The following NIPBL variants were observed in gnomAD, a reference collection of about 807,000 sequenced individuals.
NIPBL encodes the protein NIPBL cohesin loading factor.
In NIPBL, 19 loss-of-function variants were observed where a neutral mutation model predicts 321.8. The ratio of observed to expected loss-of-function variants is 0.06; its 90% confidence interval spans 0.04 to 0.09. The LOEUF (loss-of-function observed/expected upper bound fraction) is 0.09. Among genes scored for constraint, NIPBL ranks in the 10% least tolerant of loss-of-function variants. The probability of loss-of-function intolerance (pLI) is 1.00; values close to 1 mark genes in which losing one functional copy is unlikely to be tolerated. For missense variants in NIPBL, 2,210 were observed against 3,327.0 expected (o/e 0.66, Z 8.26); for synonymous variants, 1,106 against 1,114.1 (o/e 0.99, Z 0.14).
chr5:36,887,310 G>GT (rs1316565740), intron 1 of NIPBL, among the ~76,000 whole-genome samples: 2 of 152,154 alleles, frequency 1.3e-5, no homozygotes, highest in Non-Finnish European at 2.9e-5. Flanking sequence ...GGATGGTGCA[G>GT]TAACACCAAA....
Position 36,965,473 on chromosome 5 carries a change from A to G in NIPBL, c.610+3199A>G, listed in dbSNP as rs1001446251. On this transcript the variant is annotated intron_variant, in intron 6 of 46. Transcript: ENST00000282516. ...ATATGTGGCAATTAAAGTGGATTTTAAGAAGATAGAGAATAGATTGGTGGT... is the reference window on the plus strand; with the variant it reads ...ATATGTGGCAATTAAAGTGGATTTTGAGAAGATAGAGAATAGATTGGTGGT... Among the ~76,000 whole-genome samples, 12 of 152,244 alleles carry G rather than the reference A, an allele frequency of 7.9e-5. No individual in the cohort carries two copies. The East Asian group carries it at 1.5e-3, about 20-fold the overall frequency.
intron 1 of NIPBL, among the ~76,000 whole-genome samples, chr5:36,908,240 G>T (rs1442444313): frequency 6.6e-6 from 1 of 152,098 alleles, no homozygotes; most frequent in African/African-American, 2.4e-5. Context: ...TGAGATTACC[G>T]AGTGCTTTAG....
At chr5:36,939,150 A>G (rs759469309) in intron 1 of NIPBL, among the ~76,000 whole-genome samples, 1 of 152,136 alleles carries the variant, frequency 6.6e-6, no homozygotes, top group African/African-American at 2.4e-5. Context: ...CTACAGGTGC[A>G]TACCACCACA....
At chr5:37,062,431 A>G (rs1189285910) in intron 45 of NIPBL, among the ~76,000 whole-genome samples, 1 of 152,084 alleles carries the variant, frequency 6.6e-6, no homozygotes, top group South Asian at 2.1e-4. Context: ...AAATGTATGT[A>G]TATAAAATGT....
chr5:37,016,876 A>G, intron 23 of NIPBL, 143 bp from the exon 24 acceptor site: 1 of 577,088 alleles, frequency 1.7e-6, no homozygotes, highest in Non-Finnish European at 2.9e-6. Flanking sequence ...AAAGGCAAAA[A>G]TGACTTTATG....
chr5:36,996,539 G>A lies in NIPBL; in HGVS notation c.3304+735G>A. The A allele has an allele frequency of 2.2e-6, 1 of 456,236 alleles. No individual in the cohort carries two copies. Among genetic ancestry groups the A allele is most frequent in the East Asian group, 7.0e-5 (1 of 14,370 alleles). 28.3% of individuals were successfully genotyped at this position (456,236 alleles called of 1,614,324 possible). On this transcript the variant is annotated intron_variant, in intron 11 of 46. Transcript: ENST00000282516. The surrounding 1 kb of genome is among the most constrained non-coding windows in gnomAD (Gnocchi z 5.0). ...GATCACCTGTCTTTGCACTAGACTT[G>A]CTATACCTCGCCTGTCTTCCTACTG... is the stretch of plus-strand genomic sequence containing the variant.
At chr5:36,990,942 G>A (rs942236256) in intron 10 of NIPBL, among the ~76,000 whole-genome samples, 5 of 151,782 alleles carry the variant, frequency 3.3e-5, no homozygotes, top group Non-Finnish European at 4.4e-5. Context: ...AAGACCCTGT[G>A]CCTATTTATG....
chr5:36,930,448 G>T (rs533858261), intron 1 of NIPBL, among the ~76,000 whole-genome samples: 1 of 151,894 alleles, frequency 6.6e-6, no homozygotes, highest in Admixed American at 6.6e-5. Context: ...GTTGTTCGTT[G>T]GTGGTTTCTT....
rs1747944135 is a variant in NIPBL, at chr5:37,010,192, GGACTCTA to G, written c.4528_4534del (p.Asp1510MetfsTer77). The stretch of plus-strand genomic sequence containing the variant: ...TGGTACACTTACCATCATCAGAGAA[GGACTCTA>G]ATGCAGAAGAAGATTCAAATAAAAA... On this transcript the variant is annotated frameshift_variant, in exon 21 of 47. Transcript: ENST00000282516. LOFTEE classifies it high-confidence loss of function. The G allele has an allele frequency of 1.2e-6, 2 of 1,609,390 alleles. No individual in the cohort carries two copies. The highest frequency in any genetic ancestry group is 2.7e-5 in the African/African-American group (2 of 74,786).
chr5:36,982,172 T>C, intron 9 of NIPBL: 1 of 949,556 alleles, frequency 1.1e-6, no homozygotes, highest in Non-Finnish European at 1.3e-6. Context: ...TAGGAATATA[T>C]GTATTCTGAT....
In NIPBL at chr5:37,036,408, T is replaced by C. The variant is rs776458092; in HGVS notation, c.5892T>C (p.Tyr1964=). 2 of 1,422,916 alleles carry C rather than the reference T, an allele frequency of 1.4e-6. No homozygotes were observed. The highest frequency in any genetic ancestry group is 1.6e-5 in the South Asian group (1 of 61,134). The allele number at this position is 1,422,916 out of a possible 1,614,324, so 88.1% of individuals were successfully genotyped here. Residue 1964 remains tyrosine (Y), a synonymous_variant, in exon 33 of 47, where the codon TAT becomes TAC. Transcript: ENST00000282516. ...NLLKSEEDSS[Y]KPVKKACTQL... is the part of the protein sequence containing the mutation. ...TGAAGTCCGAAGAGGATTCCTCATA[T>C]AAACCTGTGAAGAAAGCTTGTACTC...
chr5:36,920,494 G>C (rs546874606), intron 1 of NIPBL, among the ~76,000 whole-genome samples: 1 of 152,030 alleles, frequency 6.6e-6, no homozygotes, highest in East Asian at 1.9e-4. Flanking sequence ...GTCAAACTTG[G>C]GAATCTAATG....
intron 24 of NIPBL, among the ~76,000 whole-genome samples, chr5:37,017,588 G>A (rs550827299): frequency 7.0e-4 from 106 of 150,852 alleles, no homozygotes; most frequent in African/African-American, 2.5e-3. Flanking sequence ...TTTCATCTTG[G>A]GGGAAAAAGT....
At chr5:36,945,200 A>G (rs987099386) in intron 1 of NIPBL, among the ~76,000 whole-genome samples, 1 of 152,126 alleles carries the variant, frequency 6.6e-6, no homozygotes, top group African/African-American at 2.4e-5. Context: ...AAATTCCAGG[A>G]CACAGGACTA....
At chr5:37,016,682 C>G (rs199712942) in intron 23 of NIPBL, among the ~76,000 whole-genome samples, 1 of 151,954 alleles carries the variant, frequency 6.6e-6, no homozygotes, top group Non-Finnish European at 1.5e-5. Context: ...TAATATTATT[C>G]GGAAACTATA....
At chr5:37,043,825 A>T (rs1264418371) in intron 34 of NIPBL, among the ~76,000 whole-genome samples, 1 of 152,182 alleles carries the variant, frequency 6.6e-6, no homozygotes, top group Non-Finnish European at 1.5e-5. Flanking sequence ...GTTGTCAAGG[A>T]TTGTTCTGTG....
chr5:36,989,839 CAAAAAAAAAA>C (rs374278669), intron 10 of NIPBL, among the ~76,000 whole-genome samples: 4 of 73,452 alleles, frequency 5.4e-5, no homozygotes, highest in African/African-American at 1.2e-4. Flanking sequence ...ACTCTGTCTC[CAAAAAAAAAA>C]AAAAAAAAAA....
chr5:37,009,391 A>G (rs1269742671), intron 20 of NIPBL, among the ~76,000 whole-genome samples: 2 of 152,188 alleles, frequency 1.3e-5, no homozygotes, highest in African/African-American at 4.8e-5. Flanking sequence ...AATCACCGGA[A>G]TTATCTTAAT....
At chr5:36,965,707 G>A (rs1439199991) in intron 6 of NIPBL, among the ~76,000 whole-genome samples, 1 of 152,054 alleles carries the variant, frequency 6.6e-6, no homozygotes, top group Non-Finnish European at 1.5e-5. Context: ...AAATATTAAG[G>A]TGGTGGATAT....
Sources: allele counts gnomAD v4.1 joint callset (sites outside exome capture counted in the v4.1 genomes callset), GRCh38; gene constraint gnomAD v4.1.1; non-coding constraint Gnocchi (gnomAD v3.1); transcripts MANE v1.5; gene names NCBI Gene and HGNC (gene_info 2026-07-23, HGNC 2026-07-21).